The following MEIS3 variants were observed in gnomAD, a reference collection of about 807,000 sequenced individuals.
MEIS3 encodes Meis homeobox 3.
In MEIS3, 38 loss-of-function variants were observed where a neutral mutation model predicts 51.4. The observed-to-expected ratio is 0.74, with a 90% CI of 0.57 to 0.97. The LOEUF (loss-of-function observed/expected upper bound fraction) is 0.97, where lower values mean the gene tolerates loss of function less well. Ranked by LOEUF, MEIS3 falls within the 50% of genes least tolerant of loss-of-function variation. The probability of loss-of-function intolerance (pLI) is 0.00; values close to 1 mark genes in which losing one functional copy is unlikely to be tolerated. For missense variants in MEIS3, 456 were observed against 502.6 expected (o/e 0.91, Z 0.89); for synonymous variants, 198 against 201.8 (o/e 0.98, Z 0.16).
chr19:47,407,681 A>G lies in MEIS3; in HGVS notation c.859-253T>C, dbSNP rs905464512. On this transcript the variant is annotated intron_variant, in intron 8 of 12. Transcript: ENST00000558555. Reference sequence around the variant, plus strand: ...TAACTGGCCAGCTCTGATTAGAGAGACTGTGTTGGGGGAGGGGGCTCCTGT... The same window carrying G: ...TAACTGGCCAGCTCTGATTAGAGAGGCTGTGTTGGGGGAGGGGGCTCCTGT... The G allele has an allele frequency of 2.2e-5, 16 of 737,512 alleles. No homozygotes were observed. The Middle Eastern group carries it at 1.4e-3, about 63-fold the overall frequency. The allele number at this position is 737,512 out of a possible 1,614,324, so 45.7% of individuals were successfully genotyped here. A position where few individuals can be genotyped will look rare whatever the true frequency, so the allele number is the denominator to read the frequency against.
chr19:47,416,903 A>C lies in MEIS3; in HGVS notation c.246T>G (p.Ser82=), dbSNP rs1971450254. 2 of 1,612,962 alleles carry C rather than the reference A, an allele frequency of 1.2e-6. No homozygotes were observed. Among genetic ancestry groups the C allele is most frequent in the African/African-American group, 2.7e-5 (2 of 75,034 alleles). ...GCCCAGCTCCGGCCCCGTCACGGGG[A>C]GAGCATGTAGCCAGTTCACATTTCT... The part of the protein sequence containing the change: ...VFEKCELATC[S]PRDGAGAGLG... Residue 82 remains serine (S), a synonymous_variant, in exon 3 of 13, where the codon TCT becomes TCG. Transcript: ENST00000558555.
At chr19:47,417,015 G>A in intron 2 of MEIS3, 52 bp from the exon 3 acceptor site, 1 of 1,547,768 alleles carries the variant, frequency 6.5e-7, no homozygotes, top group Non-Finnish European at 8.7e-7. Context: ...GAGGTGGATG[G>A]AGGGGCTGCC....
rs1425825023 is a variant in MEIS3, at chr19:47,414,768, G to A, written c.546C>T (p.Cys182=). Residue 182 remains cysteine, a synonymous_variant, in exon 6 of 13, where the codon TGC becomes TGT. Transcript: ENST00000558555. The part of the protein sequence containing the change: ...DLVIEDRDGG[C]REDFEDYPAS... ...CTGGGTAGTCCTCGAAGTCCTCCCT[G>A]CAGCCGCCGTCCCGATCCTCGATGA... is the stretch of plus-strand genomic sequence containing the variant. 1 of 1,613,154 alleles carries A rather than the reference G, an allele frequency of 6.2e-7. No homozygotes were observed. The highest frequency in any genetic ancestry group is 8.5e-7 in the Non-Finnish European group (1 of 1,179,852).
At chr19:47,409,292 G>T (rs766798192) in intron 7 of MEIS3, 45 bp from the exon 8 acceptor site, 5 of 1,588,060 alleles carry the variant, frequency 3.1e-6, no homozygotes, top group Non-Finnish European at 3.4e-6. Flanking sequence ...GTGAAGAGTG[G>T]AGGACCAGAG....
chr19:47,407,653 G>T, intron 8 of MEIS3: 1 of 1,188,940 alleles, frequency 8.4e-7, no homozygotes, highest in Non-Finnish European at 1.1e-6. Flanking sequence ...AGCAATTAGA[G>T]GTTAACTGGC....
At chr19:47,408,401 C>A (rs1428846263) in intron 8 of MEIS3, among the ~76,000 whole-genome samples, 1 of 152,118 alleles carries the variant, frequency 6.6e-6, no homozygotes, top group African/African-American at 2.4e-5. Flanking sequence ...GGATTACAGG[C>A]ATGAGCCACT....
Position 47,416,899 on chromosome 19 carries a change from G to A in MEIS3, c.250C>T (p.Arg84Cys), listed in dbSNP as rs372340229. 45 of 1,613,262 alleles carry A rather than the reference G, an allele frequency of 2.8e-5. No individual in the cohort carries two copies. Among genetic ancestry groups the A allele is most frequent in the South Asian group, 1.3e-4 (12 of 90,940 alleles). ...EKCELATCSPRDGAGAGLGTP... is the reference protein window; with the variant it reads ...EKCELATCSPCDGAGAGLGTP... ...CCCAGCCCAGCTCCGGCCCCGTCAC[G>A]GGGAGAGCATGTAGCCAGTTCACAT... The change falls in exon 3 of 13, where the codon CGT (arginine) becomes TGT (cysteine). Residue 84 changes from arginine (R) to cysteine (C), a missense_variant. Coordinates refer to ENST00000558555, the MANE Select transcript of MEIS3 (RefSeq NM_001301059.2).
rs550631036 is a variant in MEIS3, at chr19:47,416,788, G to C, written c.345+16C>G. 4 of 1,613,204 alleles carry C rather than the reference G, an allele frequency of 2.5e-6. No individual in the cohort carries two copies. Among genetic ancestry groups the C allele is most frequent in the Non-Finnish European group, 3.4e-6 (4 of 1,179,670 alleles). Reference sequence around the variant, plus strand: ...TGGCTCTCTGACTCGGTGTGTGGTGGGTGGGAGGTGCCCACCTGCTTGGCA... The same window carrying C: ...TGGCTCTCTGACTCGGTGTGTGGTGCGTGGGAGGTGCCCACCTGCTTGGCA... On this transcript the variant is annotated intron_variant, in intron 3 of 12. Coordinates refer to ENST00000558555, the MANE Select transcript of MEIS3 (RefSeq NM_001301059.2).
Position 47,406,449 on chromosome 19 carries a change from G to C in MEIS3, c.*17+11C>G. 6.2e-7 allele frequency: 1 copy of C among 1,610,754 alleles called. No individual in the cohort carries two copies. On this transcript the variant is annotated intron_variant, in intron 12 of 12. Coordinates refer to ENST00000558555, the MANE Select transcript of MEIS3 (RefSeq NM_001301059.2). ...AGAATTGCACAATCCCCAGCCCTTAGACCCTCACACCTCTCCTGCATCAGC... is the reference window on the plus strand; with the variant it reads ...AGAATTGCACAATCCCCAGCCCTTACACCCTCACACCTCTCCTGCATCAGC...
At chr19:47,419,757 C>T (rs997683024), upstream of MEIS3, among the ~76,000 whole-genome samples, 2 of 151,614 alleles carry the variant, frequency 1.3e-5, no homozygotes, top group Non-Finnish European at 2.9e-5. Context: ...CCGGGTTTCT[C>T]AGTCTCCCTC....
intron 4 of MEIS3, 41 bp from the exon 5 acceptor site, chr19:47,415,142 TGGG>T: frequency 2.7e-6 from 1 of 371,512 alleles, no homozygotes; most frequent in Non-Finnish European, 4.2e-6. Flanking sequence ...CAGAGGGAAT[TGGG>T]GGAGGGAGCA....
At chr19:47,418,524 A>G (rs1259654953) in intron 1 of MEIS3, 1 of 152,090 alleles carries the variant, frequency 6.6e-6, no homozygotes, top group Middle Eastern at 3.1e-3. Context: ...TGGGGCCAGC[A>G]GCCTGGTGAG....
rs1385789350 is a variant in MEIS3, at chr19:47,403,896, GGA to G, written c.*18-345_*18-344del. Among the ~76,000 whole-genome samples, 6 of 151,902 alleles carry G rather than the reference GGA, an allele frequency of 3.9e-5. No homozygotes were observed. The South Asian group carries it at 1.2e-3, about 32-fold the overall frequency. ...GAAGTCATGAAGAAATAGACGAAAT[GGA>G]GAGAGAGAAAGAGAGACAGGAGGCT... On this transcript the variant is annotated intron_variant, in intron 12 of 12. Coordinates refer to ENST00000558555, the MANE Select transcript of MEIS3 (RefSeq NM_001301059.2).
At chr19:47,407,235 G>C in intron 9 of MEIS3, 98 bp from the exon 10 acceptor site, 1 of 1,482,848 alleles carries the variant, frequency 6.7e-7, no homozygotes, top group Non-Finnish European at 9.1e-7. Flanking sequence ...GGCGGGGGAG[G>C]CAGAGCGGGG....
Position 47,409,267 on chromosome 19 carries a change from C to T in MEIS3, c.710-20G>A. 6.2e-7 allele frequency: 1 copy of T among 1,600,752 alleles called. No homozygotes were observed. The highest frequency in any genetic ancestry group is 8.5e-7 in the Non-Finnish European group (1 of 1,174,306). ...CGTCTCCTGAGGGAAGGCAGGCATG[C>T]TGTGTGTGTGGGTAGTGAAGAGTGG... On this transcript the variant is annotated intron_variant, in intron 7 of 12. Coordinates refer to ENST00000558555, the MANE Select transcript of MEIS3 (RefSeq NM_001301059.2).
rs1478277856 is a variant in MEIS3 at position 47,417,253 on chromosome 19, G to C, written c.110C>G (p.Pro37Arg). 1.9e-6 allele frequency: 3 copies of C among 1,608,354 alleles called. No individual in the cohort carries two copies. Among genetic ancestry groups the C allele is most frequent in the African/African-American group, 2.7e-5 (2 of 74,894 alleles). ...GGGCAGGGGCTGGGGAGGCCGGTGCGGGCCATAGGGCCCTGGTACTGCGGG... is the reference window on the plus strand; with the variant it reads ...GGGCAGGGGCTGGGGAGGCCGGTGCCGGCCATAGGGCCCTGGTACTGCGGG... ...TVPAVPGPYG[P>R]HRPPQPLPPG... is the part of the protein sequence containing the mutation. The change falls in exon 2 of 13, where the codon CCG becomes CGG. Residue 37 changes from proline to arginine, a missense_variant. Physicochemically the swap from Pro to Arg is moderately radical, Grantham distance 103. Coordinates refer to ENST00000558555, the MANE Select transcript of MEIS3 (RefSeq NM_001301059.2).
chr19:47,415,573 C>CTT (rs1302603532), intron 4 of MEIS3, among the ~76,000 whole-genome samples: 10 of 115,248 alleles, frequency 8.7e-5, no homozygotes, highest in African/African-American at 2.7e-4. Flanking sequence ...CTCTCTCTCT[C>CTT]TTTTTTTTTT....
At chr19:47,404,292 C>A (rs1334391186) in intron 12 of MEIS3, among the ~76,000 whole-genome samples, 1 of 152,104 alleles carries the variant, frequency 6.6e-6, no homozygotes, top group Admixed American at 6.5e-5. Flanking sequence ...CCAGACCATC[C>A]CTACCCACAC....
chr19:47,407,110 C>T lies in MEIS3; in HGVS notation c.963G>A (p.Val321=). 6.2e-7 allele frequency: 1 copy of T among 1,610,850 alleles called. No homozygotes were observed. Among genetic ancestry groups the T allele is most frequent in the Admixed American group, 1.7e-5 (1 of 59,444 alleles). ...GGTTGGATTGATCGATCATAGGTTG[C>T]ACGATGCGTCTCCGGGCGTTAATGA... ...NWFINARRRI[V]QPMIDQSNRT... is the part of the protein sequence containing the mutation. Residue 321 remains valine (V), a synonymous_variant, in exon 10 of 13, where the codon GTG becomes GTA. Transcript: ENST00000558555.
Sources: allele counts gnomAD v4.1 joint callset (sites outside exome capture counted in the v4.1 genomes callset), GRCh38; gene constraint gnomAD v4.1.1; transcripts MANE v1.5; gene names NCBI Gene and HGNC (gene_info 2026-07-23, HGNC 2026-07-21).